The following PISD variants were observed in gnomAD, a reference collection of about 807,000 sequenced individuals.
PISD encodes phosphatidylserine decarboxylase.
In PISD, 31 loss-of-function variants were observed where a neutral mutation model predicts 43.5. That is an observed-to-expected ratio of 0.71 (90% CI 0.54 to 0.96). The LOEUF is 0.96. PISD is among the 40% of genes least tolerant of loss of function. The pLI is 0.00. For synonymous variants in PISD, 259 were observed against 228.7 expected (o/e 1.13, Z -1.20); for missense variants, 523 against 548.4 (o/e 0.95, Z 0.46).
At chr22:31,658,431 G>A (rs1479792451) in intron 1 of PISD, among the ~76,000 whole-genome samples, 1 of 152,158 alleles carries the variant, frequency 6.6e-6, no homozygotes, top group East Asian at 1.9e-4. Context: ...TAGTTAGACT[G>A]TTATTATTAA....
Position 31,662,177 on chromosome 22 carries a change from C to T in PISD, c.32G>A (p.Gly11Glu). 6.2e-7 allele frequency: 1 copy of T among 1,606,406 alleles called. No homozygotes were observed. The highest frequency in any genetic ancestry group is 8.5e-7 in the Non-Finnish European group (1 of 1,179,826). The change falls in exon 1 of 8, where the codon GGA becomes GAA. Residue 11 changes from glycine (G) to glutamate (E), a missense_variant. Physicochemically the swap from Gly to Glu is moderately conservative, Grantham distance 98 (BLOSUM62 -2). Coordinates refer to ENST00000439502, the MANE Select transcript of PISD (RefSeq NM_001326411.2). MATSVGHRCL[G>E]LLHGVAPWRS... Reference sequence around the variant, plus strand: ...CCACGGCGCGACCCCGTGCAGTAATCCCAGACATCGGTGCCCCACGGACGT... The same window carrying T: ...CCACGGCGCGACCCCGTGCAGTAATTCCAGACATCGGTGCCCCACGGACGT...
At chr22:31,639,043 G>C (rs1215999209) in intron 3 of PISD, among the ~76,000 whole-genome samples, 1 of 151,478 alleles carries the variant, frequency 6.6e-6, no homozygotes, top group African/African-American at 2.4e-5. Context: ...CACCAGGCTG[G>C]AGTGCAGTGG....
chr22:31,624,553 A>C (rs1285561064), intron 3 of PISD, among the ~76,000 whole-genome samples: 1 of 151,966 alleles, frequency 6.6e-6, no homozygotes, highest in Admixed American at 6.6e-5. Flanking sequence ...GTCTTTCTAT[A>C]ACAGGCCAGG....
At chr22:31,642,946 T>C (rs942589388) in intron 3 of PISD, among the ~76,000 whole-genome samples, 4 of 149,104 alleles carry the variant, frequency 2.7e-5, no homozygotes, top group Non-Finnish European at 4.4e-5. Flanking sequence ...CTACTAAAAA[T>C]ACTAAATTAG....
chr22:31,638,981 G>C (rs1359598397), intron 3 of PISD, among the ~76,000 whole-genome samples: 1 of 151,608 alleles, frequency 6.6e-6, no homozygotes, highest in Admixed American at 6.6e-5. Context: ...GACAGAGTGA[G>C]AGCCTGTCTT....
At chr22:31,651,609 G>A (rs1445505660) in intron 1 of PISD, among the ~76,000 whole-genome samples, 2 of 152,076 alleles carry the variant, frequency 1.3e-5, no homozygotes, top group Non-Finnish European at 2.9e-5. Context: ...TTAGCTGGGT[G>A]TGGTGGCACA....
At chr22:31,662,121 G>C (rs778025765) in intron 1 of PISD, 23 bp downstream of exon 1, 4 of 1,603,216 alleles carry the variant, frequency 2.5e-6, no homozygotes, top group Non-Finnish European at 3.4e-6. Context: ...ACGCCCCAAG[G>C]TAGTCTCTCC....
rs2147591632 is a variant in PISD at position 31,618,961 on chromosome 22, A to G, written c.*651T>C. The G allele has an allele frequency of 6.1e-6, 1 of 164,696 alleles. No individual in the cohort carries two copies. The highest frequency in any genetic ancestry group is 3.1e-3 in the Middle Eastern group (1 of 318). The allele number at this position is 164,696 out of a possible 1,614,324, so 10.2% of individuals were successfully genotyped here. On this transcript the variant is annotated 3_prime_UTR_variant, in exon 8 of 8. Transcript: ENST00000439502. ...GGACCTGGCCAGCTCCAGAAGGGTCACTCATCAGGTCCTGCAAAGGTCTGT... is the reference window on the plus strand; with the variant it reads ...GGACCTGGCCAGCTCCAGAAGGGTCGCTCATCAGGTCCTGCAAAGGTCTGT...
At position 31,650,728 on chromosome 22, in the gene PISD, C is replaced by G; in HGVS notation, c.116G>C (p.Arg39Pro). The change falls in exon 2 of 8, where the codon CGG (arginine) becomes CCG (proline). Residue 39 changes from arginine (R) to proline (P), a missense_variant. By Grantham distance (103) the Arg-to-Pro change is moderately radical. Transcript: ENST00000439502. The part of the protein sequence containing the change: ...TALSQSLQPL[R>P]KLPFRAFRTD... Reference sequence around the variant, plus strand: ...GCGAAAGGCTCTAAAAGGCAGCTTCCGTAAGGGCTGTAGGGATTGGCTCAG... The same window carrying G: ...GCGAAAGGCTCTAAAAGGCAGCTTCGGTAAGGGCTGTAGGGATTGGCTCAG... The G allele has an allele frequency of 2.6e-6, 4 of 1,555,580 alleles. No homozygotes were observed. The highest frequency in any genetic ancestry group is 1.7e-6 in the Non-Finnish European group (2 of 1,149,412).
intron 3 of PISD, chr22:31,623,772 C>T (rs764242570): frequency 2.6e-5 from 42 of 1,614,042 alleles, no homozygotes; most frequent in South Asian, 3.3e-5. Context: ...GGGCCAGGAG[C>T]GCAGTTTCAG....
chr22:31,648,856 T>C (rs181656441), intron 2 of PISD, among the ~76,000 whole-genome samples: 1 of 152,210 alleles, frequency 6.6e-6, no homozygotes, highest in East Asian at 1.9e-4. Flanking sequence ...AATGTATTAA[T>C]AGATGAAAAC....
intron 1 of PISD, among the ~76,000 whole-genome samples, chr22:31,659,510 A>G (rs2074263662): frequency 1.3e-5 from 2 of 152,110 alleles, no homozygotes; most frequent in African/African-American, 4.8e-5. Flanking sequence ...TGAACCTAAG[A>G]ATCACCTGTA....
At chr22:31,625,457 A>C in intron 3 of PISD, 1 of 510,772 alleles carries the variant, frequency 2.0e-6, no homozygotes, top group Non-Finnish European at 3.5e-6. Context: ...TGCAGAGGCA[A>C]GGGTCTGGGC....
chr22:31,644,369 A>C (rs1360344945), intron 3 of PISD, among the ~76,000 whole-genome samples: 1 of 151,120 alleles, frequency 6.6e-6, no homozygotes, highest in Non-Finnish European at 1.5e-5. Context: ...CCTCCCAAGT[A>C]GCTGGGATTA....
In PISD at chr22:31,630,077, C is replaced by G. The variant is rs151136721; in HGVS notation, c.322-8192G>C. On this transcript the variant is annotated intron_variant, in intron 3 of 7. Transcript: ENST00000439502. This position sits in a 1 kb window ranked among gnomAD's most constrained non-coding sequence, Gnocchi z 4.4. ...GGCGTGCGTCTAGTGGGGCGACAACCCTGCCTTCCCTGCATTCCTGAGCTA... is the reference window on the plus strand; with the variant it reads ...GGCGTGCGTCTAGTGGGGCGACAACGCTGCCTTCCCTGCATTCCTGAGCTA... 2 of 152,160 alleles carry G rather than the reference C, an allele frequency of 1.3e-5. No individual in the cohort carries two copies. Among genetic ancestry groups the G allele is most frequent in the Non-Finnish European group, 2.9e-5 (2 of 68,076 alleles). 9.4% of individuals were successfully genotyped at this position (152,160 alleles called of 1,614,324 possible).
At chr22:31,631,775 C>A (rs2073214837) in intron 3 of PISD, among the ~76,000 whole-genome samples, 1 of 152,188 alleles carries the variant, frequency 6.6e-6, no homozygotes, top group Non-Finnish European at 1.5e-5. Flanking sequence ...CATTAAGTAG[C>A]CTTGTTCACA....
chr22:31,626,007 AG>A (rs1487890748), intron 3 of PISD: 2 of 1,445,020 alleles, frequency 1.4e-6, no homozygotes, highest in Non-Finnish European at 1.8e-6. Flanking sequence ...TGCAGAATAG[AG>A]GGTCAGGGCT....
At chr22:31,626,666 C>T (rs1241486109) in intron 3 of PISD, among the ~76,000 whole-genome samples, 2 of 152,208 alleles carry the variant, frequency 1.3e-5, no homozygotes, top group African/African-American at 2.4e-5. Flanking sequence ...CTTTTTCCAT[C>T]GTTGCTTCAG....
intron 1 of PISD, among the ~76,000 whole-genome samples, chr22:31,654,802 G>A (rs1302453706): frequency 3.3e-5 from 5 of 152,122 alleles, no homozygotes; most frequent in Admixed American, 1.3e-4. Context: ...AAGGCCAGGC[G>A]TGGTGGCTCA....
Sources: gnomAD v4.1 joint callset for allele counts (sites outside exome capture counted in the v4.1 genomes callset) on GRCh38, gnomAD v4.1.1 for gene constraint, Gnocchi (gnomAD v3.1) non-coding constraint, MANE v1.5 for transcripts, NCBI Gene and HGNC (gene_info 2026-07-23, HGNC 2026-07-21) for gene names.